SAMD12: variants seen among roughly 807,000 people sequenced by gnomAD.
SAMD12 encodes the protein sterile alpha motif domain-containing protein 12.
Under a neutral mutation model 15.0 loss-of-function variants are expected in SAMD12, and 9 were observed. That is an observed-to-expected ratio of 0.60 (90% CI 0.36 to 1.05). The LOEUF (loss-of-function observed/expected upper bound fraction) is 1.05. Among genes scored for constraint, SAMD12 ranks in the 50% least tolerant of loss-of-function variants. The pLI, the probability that SAMD12 is intolerant of heterozygous loss-of-function variation, is 0.01. For missense variants in SAMD12, 230 were observed against 234.2 expected (o/e 0.98, Z 0.12); for synonymous variants, 86 against 90.1 (o/e 0.96, Z 0.25).
chr8:118,371,447 T>C (rs1015691442), intron 4 of SAMD12, among the ~76,000 whole-genome samples: 1 of 151,810 alleles, frequency 6.6e-6, no homozygotes, highest in African/African-American at 2.4e-5. Context: ...CTGGGAAAGA[T>C]GGGAAACTCA....
At chr8:118,470,463 C>G (rs1823763749) in intron 2 of SAMD12, among the ~76,000 whole-genome samples, 1 of 152,156 alleles carries the variant, frequency 6.6e-6, no homozygotes, top group Admixed American at 6.5e-5. Context: ...AGTTGAAAGA[C>G]TCTTGTTCTG....
intron 1 of SAMD12, among the ~76,000 whole-genome samples, chr8:118,611,556 A>G (rs763807260): frequency 6.6e-6 from 1 of 151,048 alleles, no homozygotes; most frequent in Non-Finnish European, 1.5e-5. Context: ...ACTGGTCATC[A>G]AGCAGGAAAT....
chr8:118,581,143 A>G (rs1827287194), intron 1 of SAMD12, among the ~76,000 whole-genome samples: 1 of 152,176 alleles, frequency 6.6e-6, no homozygotes, highest in South Asian at 2.1e-4. Flanking sequence ...ACTTTCAGCA[A>G]CTTACAAATC....
At chr8:118,529,337 A>C (rs1432857665) in intron 2 of SAMD12, among the ~76,000 whole-genome samples, 1 of 152,200 alleles carries the variant, frequency 6.6e-6, no homozygotes. Flanking sequence ...TTTGCACCCT[A>C]AACATTTCCT....
Position 118,379,665 on chromosome 8 carries a change from C to G in SAMD12, c.358G>C (p.Glu120Gln). The change falls in exon 4 of 4, where the codon GAG (glutamate) becomes CAG (glutamine). Residue 120 changes from glutamate (E) to glutamine (Q), a missense_variant. Glu to Gln is a conservative substitution (Grantham distance 29). Coordinates refer to ENST00000314727, the MANE Select transcript of SAMD12 (RefSeq NM_207506.3). Reference protein sequence around the residue: ...ALLRLTDKKLERMGIAQENLR... With the variant: ...ALLRLTDKKLQRMGIAQENLR... ...TTCTCCTGGGCAATCCCCATTCGCT[C>G]GAGCTTTTTGTCAGTAAGTCTCAGC... 3.7e-6 allele frequency: 6 copies of G among 1,613,842 alleles called. No homozygotes were observed. Among genetic ancestry groups the G allele is most frequent in the Non-Finnish European group, 5.1e-6 (6 of 1,179,826 alleles).
chr8:118,256,945 C>T (rs1812955434), intron 4 of SAMD12, among the ~76,000 whole-genome samples: 2 of 152,070 alleles, frequency 1.3e-5, no homozygotes, highest in Non-Finnish European at 2.9e-5. Flanking sequence ...TTTTGCTAAA[C>T]TTCTGCATTC....
intron 3 of SAMD12, among the ~76,000 whole-genome samples, chr8:118,421,185 T>A (rs1414404553): frequency 6.6e-6 from 1 of 152,220 alleles, no homozygotes; most frequent in Non-Finnish European, 1.5e-5. Flanking sequence ...TTAGACATTT[T>A]ATGAAAATTA....
intron 4 of SAMD12, among the ~76,000 whole-genome samples, chr8:118,327,329 T>C (rs2130481680): frequency 6.6e-6 from 1 of 152,318 alleles, no homozygotes; most frequent in Admixed American, 6.5e-5. Context: ...TGTTTTGGGA[T>C]GCTCTGATCT....
At chr8:118,337,432 T>C (rs1817138556) in intron 4 of SAMD12, among the ~76,000 whole-genome samples, 1 of 152,192 alleles carries the variant, frequency 6.6e-6, no homozygotes, top group Non-Finnish European at 1.5e-5. Context: ...CTTCTAGTCA[T>C]GTCCTTCAGG....
At chr8:118,359,430 T>A (rs1818385711) in intron 4 of SAMD12, among the ~76,000 whole-genome samples, 1 of 152,210 alleles carries the variant, frequency 6.6e-6, no homozygotes, top group Non-Finnish European at 1.5e-5. Context: ...AGCCGACTAA[T>A]ATAATCTCCC....
intron 3 of SAMD12, among the ~76,000 whole-genome samples, chr8:118,384,383 G>T (rs1044447395): frequency 4.6e-5 from 7 of 152,170 alleles, no homozygotes; most frequent in Admixed American, 1.3e-4. Flanking sequence ...TGAGGCAGAG[G>T]TATATGTAGG....
chr8:118,432,107 G>T (rs561944689), intron 3 of SAMD12, among the ~76,000 whole-genome samples: 2 of 152,030 alleles, frequency 1.3e-5, no homozygotes, highest in Non-Finnish European at 2.9e-5. Flanking sequence ...TTGTTTATTA[G>T]TTCCACTTCT....
At chr8:118,440,052 G>T in intron 2 of SAMD12, 91 bp from the exon 3 acceptor site, 1 of 1,272,468 alleles carries the variant, frequency 7.9e-7, no homozygotes, top group South Asian at 1.3e-5. Flanking sequence ...AAAGGCTACA[G>T]ACTGGATTCC....
chr8:118,617,346 G>C (rs957493891), intron 1 of SAMD12, among the ~76,000 whole-genome samples: 20 of 152,158 alleles, frequency 1.3e-4, no homozygotes, highest in African/African-American at 4.8e-4. Context: ...TTATTACTTA[G>C]CCTTACAATA....
chr8:118,226,303 A>G (rs936715965), intron 4 of SAMD12, among the ~76,000 whole-genome samples: 9 of 152,170 alleles, frequency 5.9e-5, no homozygotes, highest in African/African-American at 1.9e-4. Flanking sequence ...ATTGCCTGGG[A>G]CAAGATACTT....
At chr8:118,467,940 G>A (rs1190764592) in intron 2 of SAMD12, among the ~76,000 whole-genome samples, 1 of 152,174 alleles carries the variant, frequency 6.6e-6, no homozygotes, top group African/African-American at 2.4e-5. Context: ...CATAAAGATG[G>A]GGACAATGTG....
At chr8:118,158,203 C>T in the SAMD12 span, among the ~76,000 whole-genome samples, 46 of 152,264 alleles carry the variant, frequency 3.0e-4, no homozygotes, top group African/African-American at 7.0e-4. Flanking sequence ...AGCATATGCA[C>T]GTAAGGACAT....
intron 4 of SAMD12, among the ~76,000 whole-genome samples, chr8:118,357,403 A>C (rs959208974): frequency 6.6e-6 from 1 of 152,090 alleles, no homozygotes; most frequent in East Asian, 1.9e-4. Flanking sequence ...ATATCCAGCT[A>C]ATTTTTGTAT....
chr8:118,146,535 T>C, the SAMD12 span, among the ~76,000 whole-genome samples: 1 of 152,228 alleles, frequency 6.6e-6, no homozygotes, highest in Non-Finnish European at 1.5e-5. Context: ...TAGTGATCCA[T>C]AGGAAAACAC....
Sources: allele counts gnomAD v4.1 joint callset (sites outside exome capture counted in the v4.1 genomes callset), GRCh38; gene constraint gnomAD v4.1.1; transcripts MANE v1.5; gene names NCBI Gene and HGNC (gene_info 2026-07-23, HGNC 2026-07-21).